The following CSMD1 variants were observed in gnomAD, a reference collection of about 807,000 sequenced individuals.
CSMD1 encodes the protein CUB and Sushi multiple domains 1.
A neutral mutation model predicts 417.5 loss-of-function variants in CSMD1; 213 were observed. The observed-to-expected ratio is 0.51, with a 90% CI of 0.46 to 0.57. The LOEUF (loss-of-function observed/expected upper bound fraction) is 0.57, where lower values mean the gene tolerates loss of function less well. CSMD1 is among the 20% of genes least tolerant of loss of function. The pLI is 0.00. For missense variants in CSMD1, 6,923 were observed against 4,529.7 expected, an observed-to-expected ratio of 1.53 and a Z score of -15.17; for synonymous variants, 2,862 against 1,736.8, an observed-to-expected ratio of 1.65 and a Z score of -16.11.
chr8:4,462,453 T>C (rs941013186), intron 2 of CSMD1, among the ~76,000 whole-genome samples: 4 of 152,118 alleles, frequency 2.6e-5, no homozygotes, highest in Non-Finnish European at 5.9e-5. Flanking sequence ...TAATTCCTAT[T>C]AAAATCTCTG....
At position 3,285,462 on chromosome 8, in the gene CSMD1, C is replaced by G. The variant is rs546010167; in HGVS notation, c.3951-1116G>C. On this transcript the variant is annotated intron_variant, in intron 25 of 69. Transcript: ENST00000635120. ...AGTGCAGTGTCATGATCTTGGCTCA[C>G]TGCAACCTCTACTTCCTGGGTTCAA... 8.0e-4 allele frequency among the ~76,000 whole-genome samples: 122 copies of G among 151,798 alleles called. 2 individuals carry two copies. In the South Asian group the frequency reaches 0.025, roughly 31 times the overall value.
intron 10 of CSMD1, among the ~76,000 whole-genome samples, chr8:3,518,276 A>G (rs551766626): frequency 2.0e-4 from 31 of 152,344 alleles, no homozygotes; most frequent in African/African-American, 6.5e-4. Flanking sequence ...AGAAAATTAT[A>G]TAAGAGAGAA....
chr8:4,493,434 G>C (rs1214939998), intron 2 of CSMD1, among the ~76,000 whole-genome samples: 2 of 152,216 alleles, frequency 1.3e-5, no homozygotes, highest in East Asian at 3.9e-4. Flanking sequence ...GGTGGTTCAC[G>C]CCTGTAATGC....
At chr8:4,434,937 T>C (rs1798071626) in intron 2 of CSMD1, among the ~76,000 whole-genome samples, 1 of 152,192 alleles carries the variant, frequency 6.6e-6, no homozygotes, top group African/African-American at 2.4e-5. Flanking sequence ...TGACAACAGA[T>C]GTTAAAACCA....
intron 11 of CSMD1, among the ~76,000 whole-genome samples, chr8:3,475,226 C>T (rs1001208292): frequency 6.6e-6 from 1 of 152,146 alleles, no homozygotes; most frequent in Admixed American, 6.5e-5. Flanking sequence ...GAATCCTTCA[C>T]GCAATTCAGT....
At chr8:3,407,657 G>C (rs946010211) in intron 14 of CSMD1, among the ~76,000 whole-genome samples, 5 of 152,130 alleles carry the variant, frequency 3.3e-5, no homozygotes, top group African/African-American at 1.2e-4. Context: ...GTAAGGAGAT[G>C]AAAGAGAGAG....
intron 5 of CSMD1, among the ~76,000 whole-genome samples, chr8:3,962,098 G>C (rs766166257): frequency 1.3e-5 from 2 of 152,162 alleles, no homozygotes; most frequent in African/African-American, 4.8e-5. Context: ...CTTGGACTCA[G>C]ACCCAGCCAG....
intron 39 of CSMD1, among the ~76,000 whole-genome samples, chr8:3,153,954 T>C (rs944670348): frequency 1.3e-5 from 2 of 152,146 alleles, no homozygotes; most frequent in African/African-American, 4.8e-5. Flanking sequence ...AAGACGCATA[T>C]CCATCTTTTC....
At chr8:2,984,637 G>C (rs74370015) in intron 54 of CSMD1, among the ~76,000 whole-genome samples, 5,384 of 152,288 alleles carry the variant, frequency 0.035, 121 homozygotes, top group Non-Finnish European at 0.035. Context: ...ATGAGCCACC[G>C]CGCCTCGCCT....
intron 7 of CSMD1, among the ~76,000 whole-genome samples, chr8:3,698,141 C>A (rs890983275): frequency 6.6e-6 from 1 of 152,102 alleles, no homozygotes; most frequent in African/African-American, 2.4e-5. Context: ...TGATGCTGTT[C>A]TCAAATCTAT....
intron 25 of CSMD1, 96 bp from the exon 26 acceptor site, chr8:3,284,442 A>AC (rs1215655320): frequency 3.6e-6 from 3 of 844,484 alleles, no homozygotes; most frequent in African/African-American, 3.3e-5. Context: ...CTTTCACACA[A>AC]CCCCCACCAA....
At chr8:3,938,629 C>A (rs1216778178) in intron 5 of CSMD1, among the ~76,000 whole-genome samples, 4 of 152,052 alleles carry the variant, frequency 2.6e-5, no homozygotes, top group Non-Finnish European at 5.9e-5. Flanking sequence ...CTAGGCTGCC[C>A]CAGCAGGTCA....
intron 3 of CSMD1, among the ~76,000 whole-genome samples, chr8:4,085,030 C>T (rs1174676339): frequency 6.6e-6 from 1 of 152,104 alleles, no homozygotes; most frequent in Non-Finnish European, 1.5e-5. Context: ...GCAAACTATC[C>T]ACAAATTCTA....
intron 1 of CSMD1, among the ~76,000 whole-genome samples, chr8:4,783,852 T>A (rs957112821): frequency 7.2e-5 from 11 of 152,180 alleles, no homozygotes; most frequent in Non-Finnish European, 1.6e-4. Context: ...GTGATATCAC[T>A]CCTCTAAAGC....
chr8:4,070,684 C>G (rs1043462293), intron 3 of CSMD1, among the ~76,000 whole-genome samples: 3 of 152,118 alleles, frequency 2.0e-5, no homozygotes, highest in South Asian at 2.1e-4. Flanking sequence ...CTATTCGTCA[C>G]TGAAGATCCA....
At chr8:3,772,636 T>C (rs972522683) in intron 5 of CSMD1, among the ~76,000 whole-genome samples, 2 of 74,264 alleles carry the variant, frequency 2.7e-5, no homozygotes, top group Non-Finnish European at 4.7e-5. Flanking sequence ...CACATATATT[T>C]ATATACATAT....
intron 3 of CSMD1, among the ~76,000 whole-genome samples, chr8:4,272,825 G>C (rs1471184658): frequency 2.0e-5 from 3 of 152,116 alleles, no homozygotes; most frequent in East Asian, 3.8e-4. Context: ...ACCTTTGCTT[G>C]TATCAGTCTT....
At chr8:4,595,824 G>A (rs999222733) in intron 2 of CSMD1, among the ~76,000 whole-genome samples, 7 of 152,226 alleles carry the variant, frequency 4.6e-5, no homozygotes, top group African/African-American at 1.7e-4. Context: ...CAGAGCTCCT[G>A]TTTTCCTTCC....
intron 5 of CSMD1, among the ~76,000 whole-genome samples, chr8:3,777,286 ACAGT>A (rs1798945597): frequency 6.6e-6 from 1 of 152,040 alleles, no homozygotes; most frequent in African/African-American, 2.4e-5. Flanking sequence ...TGCACAGTCC[ACAGT>A]CAGTAAATAT....
Sources: allele counts gnomAD v4.1 joint callset (sites outside exome capture counted in the v4.1 genomes callset), GRCh38; gene constraint gnomAD v4.1.1; transcripts MANE v1.5; gene names NCBI Gene and HGNC (gene_info 2026-07-23, HGNC 2026-07-21).